The following CSNK2A2IP variants were observed in gnomAD, a reference collection of about 807,000 sequenced individuals.
CSNK2A2IP encodes the protein casein kinase 2 subunit alpha' interacting protein, also known as casein kinase II subunit alpha'-interacting protein.
chr3:88,414,195 G>A, the CSNK2A2IP span, among the ~76,000 whole-genome samples: 1 of 132,956 alleles, frequency 7.5e-6, no homozygotes, highest in African/African-American at 2.8e-5. Flanking sequence ...ACATATATAT[G>A]TATATATATA....
chr3:88,369,988 G>A, the CSNK2A2IP span, among the ~76,000 whole-genome samples: 83 of 151,922 alleles, frequency 5.5e-4, no homozygotes, highest in Non-Finnish European at 9.7e-4. Flanking sequence ...TGAAAAAGCA[G>A]CAACTGGAAT....
chr3:88,440,203 G>C, the CSNK2A2IP span, among the ~76,000 whole-genome samples: 10 of 152,128 alleles, frequency 6.6e-5, no homozygotes, highest in South Asian at 1.9e-3. Flanking sequence ...CATGTATTTT[G>C]CATTTTTTAG....
At chr3:88,428,560 A>G in the CSNK2A2IP span, among the ~76,000 whole-genome samples, 147 of 152,244 alleles carry the variant, frequency 9.7e-4, no homozygotes, top group Admixed American at 2.3e-3. Context: ...AGGTAATTTA[A>G]TCATGGGGGC....
the CSNK2A2IP span, among the ~76,000 whole-genome samples, chr3:88,386,548 G>A: frequency 1.3e-5 from 2 of 152,192 alleles, no homozygotes; most frequent in Admixed American, 1.3e-4. Context: ...CATTTTCAGG[G>A]AGTGACTATA....
the CSNK2A2IP span, among the ~76,000 whole-genome samples, chr3:88,359,730 C>A: frequency 6.6e-6 from 1 of 152,118 alleles, no homozygotes; most frequent in African/African-American, 2.4e-5. Context: ...AGAAAAGATA[C>A]TTGGCATGAT....
the CSNK2A2IP span, among the ~76,000 whole-genome samples, chr3:88,428,448 C>T: frequency 2.0e-5 from 3 of 151,946 alleles, no homozygotes; most frequent in Non-Finnish European, 4.4e-5. Context: ...TTGGGAGGGG[C>T]CAGAGGTAGA....
At chr3:88,455,441 A>G in the CSNK2A2IP span, among the ~76,000 whole-genome samples, 1 of 151,788 alleles carries the variant, frequency 6.6e-6, no homozygotes, top group African/African-American at 2.4e-5. Context: ...TTTGATTTTC[A>G]TTTCCCTGAT....
the CSNK2A2IP span, among the ~76,000 whole-genome samples, chr3:88,405,702 A>G: frequency 6.6e-6 from 1 of 152,154 alleles, no homozygotes. Flanking sequence ...TTTCAATTTG[A>G]GCATGTCGTA....
chr3:88,376,546 C>A, the CSNK2A2IP span, among the ~76,000 whole-genome samples: 1 of 151,808 alleles, frequency 6.6e-6, no homozygotes, highest in Non-Finnish European at 1.5e-5. Flanking sequence ...ATTCTTATTT[C>A]ATTAGCTTCA....
chr3:88,359,968 C>A, the CSNK2A2IP span, among the ~76,000 whole-genome samples: 2 of 151,950 alleles, frequency 1.3e-5, no homozygotes, highest in Admixed American at 6.6e-5. Context: ...GTGTTGAAGT[C>A]CCCAACTATT....
the CSNK2A2IP span, among the ~76,000 whole-genome samples, chr3:88,456,551 C>T: frequency 6.6e-6 from 1 of 151,556 alleles, no homozygotes; most frequent in Non-Finnish European, 1.5e-5. Flanking sequence ...ATTTTGTATC[C>T]TACAACTTTA....
the CSNK2A2IP span, among the ~76,000 whole-genome samples, chr3:88,366,960 C>T: frequency 1.3e-5 from 2 of 151,956 alleles, no homozygotes; most frequent in Admixed American, 6.6e-5. Flanking sequence ...TAAAATCATC[C>T]GATCTCTTGA....
At chr3:88,390,984 A>G in the CSNK2A2IP span, among the ~76,000 whole-genome samples, 1 of 152,198 alleles carries the variant, frequency 6.6e-6, no homozygotes, top group Non-Finnish European at 1.5e-5. Flanking sequence ...TTTGTGTTCT[A>G]GAATCAAACT....
At chr3:88,420,675 T>A in the CSNK2A2IP span, among the ~76,000 whole-genome samples, 77,044 of 151,936 alleles carry the variant, frequency 0.51, 19,947 homozygotes, top group East Asian at 0.76. Context: ...GAAAAGCAAG[T>A]TCAATCAACA....
chr3:88,425,313 T>A, the CSNK2A2IP span, among the ~76,000 whole-genome samples: 10 of 152,140 alleles, frequency 6.6e-5, no homozygotes, highest in Admixed American at 1.3e-4. Flanking sequence ...AATCCATGCT[T>A]CTCTTTCTTG....
the CSNK2A2IP span, among the ~76,000 whole-genome samples, chr3:88,363,070 C>T: frequency 6.6e-6 from 1 of 152,106 alleles, no homozygotes; most frequent in Admixed American, 6.6e-5. Flanking sequence ...CAAAGTCCCA[C>T]AACACTTTTA....
chr3:88,346,686 T>G, the CSNK2A2IP span, among the ~76,000 whole-genome samples: 2 of 152,032 alleles, frequency 1.3e-5, no homozygotes, highest in Non-Finnish European at 2.9e-5. Context: ...TTCACAATAT[T>G]TTCAAAACGT....
chr3:88,459,283 T>C, the CSNK2A2IP span, among the ~76,000 whole-genome samples: 1 of 152,136 alleles, frequency 6.6e-6, no homozygotes, highest in African/African-American at 2.4e-5. Context: ...AGGATACCTG[T>C]GTTTTTATTG....
At chr3:88,456,775 T>G in the CSNK2A2IP span, among the ~76,000 whole-genome samples, 1 of 152,042 alleles carries the variant, frequency 6.6e-6, no homozygotes, top group Admixed American at 6.6e-5. Flanking sequence ...TTAATACATG[T>G]GTCTTTTTCC....
Sources: gnomAD v4.1 joint callset for allele counts (sites outside exome capture counted in the v4.1 genomes callset) on GRCh38, gnomAD v4.1.1 for gene constraint, MANE v1.5 for transcripts, NCBI Gene and HGNC (gene_info 2026-07-23, HGNC 2026-07-21) for gene names.